IL22: variants seen among roughly 807,000 people sequenced by gnomAD.
IL22 encodes interleukin 22.
In IL22, 15 loss-of-function variants were observed where a neutral mutation model predicts 15.5. The observed-to-expected ratio is 0.97, with a 90% CI of 0.65 to 1.49. The LOEUF (loss-of-function observed/expected upper bound fraction) is 1.49. Among genes scored for constraint, IL22 ranks in the 40% most tolerant of loss-of-function variants. The pLI is 0.00. For missense variants in IL22, 225 were observed against 215.4 expected, an observed-to-expected ratio of 1.04 and a Z score of -0.28; for synonymous variants, 91 against 82.0, an observed-to-expected ratio of 1.11 and a Z score of -0.60.
intron 2 of IL22, 129 bp downstream of exon 2, chr12:68,253,134 G>A (rs17105129): frequency 0.025 from 19,211 of 756,306 alleles, 327 homozygotes; most frequent in South Asian, 0.049. Flanking sequence ...TGAAAAAACA[G>A]AAAATTTATC....
chr12:68,251,754 C>T (rs2227493), intron 4 of IL22, among the ~76,000 whole-genome samples, 176 bp from the exon 5 acceptor site: 1,885 of 152,290 alleles, frequency 0.012, 45 homozygotes, highest in African/African-American at 0.042. Flanking sequence ...TTCCCTTGGA[C>T]GCCAGAATCC....
In IL22 at chr12:68,252,754, T is replaced by C; in HGVS notation, c.252+10A>G. 1 of 1,613,642 alleles carries C rather than the reference T, an allele frequency of 6.2e-7. No homozygotes were observed. Among genetic ancestry groups the C allele is most frequent in the Non-Finnish European group, 8.5e-7 (1 of 1,179,604 alleles). ...GGCACACGGCCCTGTTCGTCACAACTGTAGCTTACACTGACTCCGTGGAAC... is the reference window on the plus strand; with the variant it reads ...GGCACACGGCCCTGTTCGTCACAACCGTAGCTTACACTGACTCCGTGGAAC... On this transcript the variant is annotated intron_variant, in intron 3 of 5. Coordinates refer to ENST00000538666, the MANE Select transcript of IL22 (RefSeq NM_020525.5).
At chr12:68,252,355 A>T in intron 4 of IL22, 149 bp downstream of exon 4, 1 of 741,896 alleles carries the variant, frequency 1.3e-6, no homozygotes, top group South Asian at 1.8e-5. Context: ...ATACTCTATG[A>T]TCCCAAATGA....
At chr12:68,249,611 C>A (rs778865310) in intron 5 of IL22, among the ~76,000 whole-genome samples, 18 of 152,164 alleles carry the variant, frequency 1.2e-4, no homozygotes, top group Non-Finnish European at 2.2e-4. Context: ...CCAAATAAGT[C>A]TTTTCCACTT....
chr12:68,252,953 A>G lies in IL22; in HGVS notation c.187-124T>C, dbSNP rs75183416. On this transcript the variant is annotated intron_variant, in intron 2 of 5. Coordinates refer to ENST00000538666, the MANE Select transcript of IL22 (RefSeq NM_020525.5). ...CATAAAGACTAAAAGCAGAATTCAG[A>G]TGTGTGCATGAGTTTAGAACAATGC... The G allele has an allele frequency of 3.5e-3, 2,663 of 751,136 alleles. 56 individuals carry two copies. In the African/African-American group the frequency reaches 0.041, roughly 12 times the overall value. 46.5% of individuals were successfully genotyped at this position (751,136 alleles called of 1,614,324 possible). A position where few individuals can be genotyped will look rare whatever the true frequency, so the allele number is the denominator to read the frequency against.
rs143785595 is a variant in IL22 at position 68,249,135 on chromosome 12, G to A, written c.463-259C>T. 1.9e-4 allele frequency among the ~76,000 whole-genome samples: 29 copies of A among 152,322 alleles called. No individual in the cohort carries two copies. The East Asian group carries it at 5.2e-3, about 27-fold the overall frequency. ...AATGAAGCTGTTTAAAAGCTGGGCA[G>A]AGAGTTGACCACCCCTTCTTAACCA... On this transcript the variant is annotated intron_variant, in intron 5 of 5. Transcript: ENST00000538666.
chr12:68,251,340 A>G (rs756841276), intron 5 of IL22, among the ~76,000 whole-genome samples, 173 bp downstream of exon 5: 18 of 152,210 alleles, frequency 1.2e-4, no homozygotes, highest in Non-Finnish European at 2.4e-4. Context: ...CAAGATTTGG[A>G]AACTGACATC....
Position 68,249,825 on chromosome 12 carries a change from G to A in IL22, c.463-949C>T, listed in dbSNP as rs146355996. Among the ~76,000 whole-genome samples, 78 of 152,200 alleles carry A rather than the reference G, an allele frequency of 5.1e-4. 1 individual carries two copies. Among genetic ancestry groups the A allele is most frequent in the Admixed American group, 4.5e-3 (69 of 15,294 alleles). On this transcript the variant is annotated intron_variant, in intron 5 of 5. Coordinates refer to ENST00000538666, the MANE Select transcript of IL22 (RefSeq NM_020525.5). Reference sequence around the variant, plus strand: ...CACCATTGTCCTCTGTATAATACATGGTTCTTCCTTTTCCTGCTTTCTTCC... The same window carrying A: ...CACCATTGTCCTCTGTATAATACATAGTTCTTCCTTTTCCTGCTTTCTTCC...
At chr12:68,253,555 A>G (rs1870017040) in intron 1 of IL22, 28 bp downstream of exon 1, 2 of 850,280 alleles carry the variant, frequency 2.4e-6, no homozygotes, top group East Asian at 5.7e-5. Flanking sequence ...AAACTAACCA[A>G]TTGTACCAAG....
intron 3 of IL22, 53 bp downstream of exon 3, chr12:68,252,711 C>G: frequency 6.2e-7 from 1 of 1,611,752 alleles, no homozygotes. Flanking sequence ...ATCACCACCA[C>G]CCCAAGTACC....
At chr12:68,251,842 T>C (rs1869943096) in intron 4 of IL22, among the ~76,000 whole-genome samples, 1 of 152,132 alleles carries the variant, frequency 6.6e-6, no homozygotes, top group Non-Finnish European at 1.5e-5. Context: ...AAGAGCGGAG[T>C]AGTTTATGCA....
intron 2 of IL22, among the ~76,000 whole-genome samples, chr12:68,253,046 C>A: frequency 1.4e-5 from 2 of 146,946 alleles, no homozygotes; most frequent in African/African-American, 2.5e-5. Context: ...GGGAAAAATT[C>A]ATCATATGTA....
rs773093685 is a variant in IL22, at chr12:68,251,576, A to G, written c.399T>C (p.His133=). Residue 133 remains histidine, a splice_region_variant and synonymous_variant, in exon 5 of 6, where the codon CAT becomes CAC. Transcript: ENST00000538666. ...GGATATGCAGGTCATCACCTTCAAT[A>G]TGCTATAAAACAATAACAAGCATAA... ...ARLSNRLSTC[H]IEGDDLHIQR... is the part of the protein sequence containing the mutation. 1.2e-6 allele frequency: 2 copies of G among 1,608,978 alleles called. No homozygotes were observed. The highest frequency in any genetic ancestry group is 1.7e-5 in the Admixed American group (1 of 59,978).
At chr12:68,249,904 TC>T (rs1396191626) in intron 5 of IL22, among the ~76,000 whole-genome samples, 25 of 152,206 alleles carry the variant, frequency 1.6e-4, no homozygotes, top group African/African-American at 5.5e-4. Context: ...GATATTCTTT[TC>T]TATCTCAAAG....
At chr12:68,251,277 TTA>T (rs1280338555) in intron 5 of IL22, among the ~76,000 whole-genome samples, 4 of 152,056 alleles carry the variant, frequency 2.6e-5, no homozygotes, top group African/African-American at 9.7e-5. Flanking sequence ...GAATCTGAGG[TTA>T]TGTGACTAGA....
intron 5 of IL22, among the ~76,000 whole-genome samples, chr12:68,250,092 A>G (rs1869876360): frequency 1.3e-5 from 2 of 152,154 alleles, no homozygotes; most frequent in African/African-American, 2.4e-5. Flanking sequence ...TCTGAACAAC[A>G]TTGCTCTCCC....
chr12:68,251,393 C>T (rs529151409), intron 5 of IL22, 120 bp downstream of exon 5: 109 of 739,860 alleles, frequency 1.5e-4, no homozygotes, highest in African/African-American at 8.2e-4. Context: ...CCAAAGTAAT[C>T]GCCCTGGTGG....
At chr12:68,250,996 T>G (rs989194547) in intron 5 of IL22, among the ~76,000 whole-genome samples, 1 of 152,352 alleles carries the variant, frequency 6.6e-6, no homozygotes, top group East Asian at 1.9e-4. Context: ...TATATGCAAG[T>G]CCAGCTCTTT....
rs953835147 is a variant in IL22, at chr12:68,253,501, G to C, written c.-46-7C>G. The C allele has an allele frequency of 1.4e-6, 2 of 1,412,212 alleles. No individual in the cohort carries two copies. Among genetic ancestry groups the C allele is most frequent in the Middle Eastern group, 2.4e-4 (1 of 4,122 alleles). 87.5% of individuals were successfully genotyped at this position (1,412,212 alleles called of 1,614,324 possible). On this transcript the variant is annotated splice_polypyrimidine_tract_variant and splice_region_variant and intron_variant, in intron 1 of 5. Transcript: ENST00000538666. ...GTGACTGGGGAAGGAGAACCTGGTC[G>C]AAGACAACGTGAAGGAACAAAATTA... is the stretch of plus-strand genomic sequence containing the variant.
Sources: allele counts gnomAD v4.1 joint callset (sites outside exome capture counted in the v4.1 genomes callset), GRCh38; gene constraint gnomAD v4.1.1; transcripts MANE v1.5; gene names NCBI Gene and HGNC (gene_info 2026-07-23, HGNC 2026-07-21).